NELL1: variants seen among roughly 807,000 people sequenced by gnomAD.
NELL1 encodes the protein neural EGFL like 1.
In NELL1, 76 loss-of-function variants were observed where a neutral mutation model predicts 107.4. The observed-to-expected ratio is 0.71, with a 90% CI of 0.59 to 0.86. The LOEUF is 0.86. Ranked by LOEUF, NELL1 falls within the 40% of genes least tolerant of loss-of-function variation. The pLI is 0.00. For synonymous variants in NELL1, 353 were observed against 341.2 expected (o/e 1.03, Z -0.38); for missense variants, 1,024 against 1,005.5 (o/e 1.02, Z -0.25).
At chr11:20,731,089 GATA>G (rs10531135) in intron 2 of NELL1, among the ~76,000 whole-genome samples, 125,840 of 152,032 alleles carry the variant, frequency 0.83, 52,481 homozygotes, top group East Asian at 0.95. Flanking sequence ...AGGATTCTAT[GATA>G]ATTTCAGCTG....
chr11:20,900,383 A>T (rs1444688243), intron 5 of NELL1, among the ~76,000 whole-genome samples: 1 of 152,186 alleles, frequency 6.6e-6, no homozygotes, highest in Admixed American at 6.5e-5. Flanking sequence ...CTGGAAATAG[A>T]TTTGACCTTT....
At chr11:21,503,111 C>T (rs901409038) in intron 15 of NELL1, among the ~76,000 whole-genome samples, 1 of 152,162 alleles carries the variant, frequency 6.6e-6, no homozygotes, top group Non-Finnish European at 1.5e-5. Flanking sequence ...GAACTCCTGA[C>T]CTCAGGTAAT....
intron 13 of NELL1, among the ~76,000 whole-genome samples, chr11:21,163,453 G>A (rs903023289): frequency 4.6e-5 from 7 of 152,106 alleles, no homozygotes; most frequent in South Asian, 2.1e-4. Flanking sequence ...TGGCAGCTAC[G>A]CTTTTGGTGG....
intron 15 of NELL1, among the ~76,000 whole-genome samples, chr11:21,459,285 G>C (rs895476255): frequency 6.1e-5 from 9 of 147,322 alleles, no homozygotes; most frequent in African/African-American, 2.3e-4. Flanking sequence ...TATAAATGAA[G>C]TAACCTGCCA....
intron 12 of NELL1, among the ~76,000 whole-genome samples, chr11:21,079,757 T>G (rs1388794575): frequency 6.6e-6 from 1 of 152,152 alleles, no homozygotes; most frequent in Non-Finnish European, 1.5e-5. Flanking sequence ...TCTTTGCATA[T>G]TTTGTCATTC....
At chr11:21,543,260 C>T (rs1212183804) in intron 16 of NELL1, among the ~76,000 whole-genome samples, 1 of 152,056 alleles carries the variant, frequency 6.6e-6, no homozygotes, top group Non-Finnish European at 1.5e-5. Flanking sequence ...GCTTTACACA[C>T]AGTTTTATCA....
chr11:21,549,084 G>A (rs1403545928), intron 16 of NELL1, among the ~76,000 whole-genome samples: 2 of 151,508 alleles, frequency 1.3e-5, no homozygotes, highest in Non-Finnish European at 2.9e-5. Context: ...ACATAACAGG[G>A]TTTATGAATA....
At chr11:21,011,970 A>G (rs1852456236) in intron 12 of NELL1, among the ~76,000 whole-genome samples, 1 of 151,980 alleles carries the variant, frequency 6.6e-6, no homozygotes, top group South Asian at 2.1e-4. Flanking sequence ...GAAGTGTAGA[A>G]AACTATTTTC....
At chr11:21,510,950 C>T (rs1855420789) in intron 15 of NELL1, among the ~76,000 whole-genome samples, 1 of 152,248 alleles carries the variant, frequency 6.6e-6, no homozygotes, top group Non-Finnish European at 1.5e-5. Flanking sequence ...GACAGATTAT[C>T]AATGTTAAAA....
intron 13 of NELL1, among the ~76,000 whole-genome samples, chr11:21,205,241 C>T (rs1857363835): frequency 6.6e-6 from 1 of 152,146 alleles, no homozygotes; most frequent in Non-Finnish European, 1.5e-5. Context: ...GGCTCTGTCC[C>T]AGGGAGATGG....
chr11:21,328,936 C>A (rs1850210235), intron 14 of NELL1, among the ~76,000 whole-genome samples: 1 of 152,088 alleles, frequency 6.6e-6, no homozygotes, highest in African/African-American at 2.4e-5. Flanking sequence ...AGGTAACTAT[C>A]TTACTTTTGA....
At chr11:21,299,831 A>C (rs1849455864) in intron 14 of NELL1, among the ~76,000 whole-genome samples, 1 of 151,976 alleles carries the variant, frequency 6.6e-6, no homozygotes, top group Non-Finnish European at 1.5e-5. Context: ...GAATACTTTT[A>C]TATAACATGT....
At chr11:21,046,693 TTTA>T (rs1271267310) in intron 12 of NELL1, among the ~76,000 whole-genome samples, 1 of 149,822 alleles carries the variant, frequency 6.7e-6, no homozygotes, top group Non-Finnish European at 1.5e-5. Context: ...TATTTATTTA[TTTA>T]TTTATTTATT....
intron 15 of NELL1, among the ~76,000 whole-genome samples, chr11:21,499,301 TTCAATCTATTTGA>T: frequency 6.6e-6 from 1 of 152,214 alleles, no homozygotes; most frequent in South Asian, 2.1e-4. Context: ...GAGCTATTTG[TTCAATCTATTTGA>T]CTAGTCCATC....
At chr11:20,920,260 A>G (rs1247273411) in intron 7 of NELL1, among the ~76,000 whole-genome samples, 2 of 152,124 alleles carry the variant, frequency 1.3e-5, no homozygotes, top group African/African-American at 4.8e-5. Context: ...AAAATGATAC[A>G]TTAATCCTAT....
At chr11:20,932,872 A>G (rs1850647202) in intron 9 of NELL1, among the ~76,000 whole-genome samples, 1 of 152,236 alleles carries the variant, frequency 6.6e-6, no homozygotes, top group Admixed American at 6.5e-5. Flanking sequence ...CACAGAAGTC[A>G]CACAGAGAAG....
intron 3 of NELL1, among the ~76,000 whole-genome samples, chr11:20,829,745 C>T (rs1857965921): frequency 6.6e-6 from 1 of 151,922 alleles, no homozygotes; most frequent in Non-Finnish European, 1.5e-5. Context: ...TGTAGAATGG[C>T]CCTTAGTTTG....
intron 15 of NELL1, among the ~76,000 whole-genome samples, chr11:21,381,904 ATTTTTTTTTTTTTTTT>A (rs149327802): frequency 5.5e-5 from 5 of 91,354 alleles, no homozygotes; most frequent in African/African-American, 1.3e-4. Context: ...CCTGGAAGGG[ATTTTTTTTTTTTTTTT>A]TTTTTTTTTT....
intron 15 of NELL1, among the ~76,000 whole-genome samples, chr11:21,453,604 G>T: frequency 1.3e-5 from 2 of 150,244 alleles, no homozygotes; most frequent in Admixed American, 6.6e-5. Flanking sequence ...CCTTTTAATT[G>T]GAATGGTTAG....
Sources: allele counts gnomAD v4.1 joint callset (sites outside exome capture counted in the v4.1 genomes callset), GRCh38; gene constraint gnomAD v4.1.1; transcripts MANE v1.5; gene names NCBI Gene and HGNC (gene_info 2026-07-23, HGNC 2026-07-21).